The following RUNX1 variants were observed in gnomAD, a reference collection of about 807,000 sequenced individuals.
RUNX1 encodes the protein runt-related transcription factor 1.
In RUNX1, 19 loss-of-function variants were observed where a neutral mutation model predicts 42.8. That is an observed-to-expected ratio of 0.44 (90% CI 0.31 to 0.65). The LOEUF (loss-of-function observed/expected upper bound fraction) is 0.65, where lower values mean the gene tolerates loss of function less well. Among genes scored for constraint, RUNX1 ranks in the 30% least tolerant of loss-of-function variants. The pLI is 0.07. For synonymous variants in RUNX1, 271 were observed against 289.4 expected, an observed-to-expected ratio of 0.94 and a Z score of 0.64; for missense variants, 528 against 672.0, an observed-to-expected ratio of 0.79 and a Z score of 2.37.
At chr21:34,854,595 GA>G (rs372998324) in intron 6 of RUNX1, among the ~76,000 whole-genome samples, 1,919 of 135,344 alleles carry the variant, frequency 0.014, 34 homozygotes, top group African/African-American at 0.047. Context: ...AAAAAAAAAA[GA>G]AAAAAAAAAA....
rs928424641 is a variant in RUNX1 at position 35,049,290 on chromosome 21, G to A, written c.-182C>T. On this transcript the variant is annotated 5_prime_UTR_variant, in exon 1 of 9. Transcript: ENST00000675419. ...CTTGTGGTTCTGTGGTTGTTTATGAGGCCCAAAGAAGTTTTCACACAACCC... is the reference window on the plus strand; with the variant it reads ...CTTGTGGTTCTGTGGTTGTTTATGAAGCCCAAAGAAGTTTTCACACAACCC... The A allele has an allele frequency of 9.0e-6, 2 of 221,422 alleles. No homozygotes were observed. The highest frequency in any genetic ancestry group is 1.9e-5 in the Non-Finnish European group (2 of 108,082). 13.7% of individuals were successfully genotyped at this position (221,422 alleles called of 1,614,324 possible). A position where few individuals can be genotyped will look rare whatever the true frequency, so the allele number is the denominator to read the frequency against.
At chr21:34,866,025 G>A (rs564736615) in intron 5 of RUNX1, among the ~76,000 whole-genome samples, 2 of 152,248 alleles carry the variant, frequency 1.3e-5, no homozygotes, top group South Asian at 2.1e-4. Context: ...AGGTATCCCC[G>A]GTCTACCTGA....
intron 5 of RUNX1, among the ~76,000 whole-genome samples, chr21:34,869,260 T>C (rs1207600759): frequency 6.6e-6 from 1 of 152,104 alleles, no homozygotes; most frequent in African/African-American, 2.4e-5. Flanking sequence ...CTAAGTATAG[T>C]TACATACACA....
At chr21:35,048,716 C>T in intron 2 of RUNX1, 126 bp downstream of exon 2, 1 of 810,502 alleles carries the variant, frequency 1.2e-6, no homozygotes, top group Non-Finnish European at 2.2e-6. Flanking sequence ...GTTTGAATTC[C>T]TCTCACAAAC....
intron 3 of RUNX1, among the ~76,000 whole-genome samples, chr21:34,891,171 A>T: frequency 6.6e-6 from 1 of 152,192 alleles, no homozygotes; most frequent in Non-Finnish European, 1.5e-5. Context: ...AAGTTCCTTT[A>T]TCGAGTAAGG....
intron 7 of RUNX1, chr21:34,821,200 G>A: frequency 3.9e-6 from 4 of 1,022,878 alleles, no homozygotes; most frequent in Non-Finnish European, 4.7e-6. Flanking sequence ...GAGTAGCTGT[G>A]TGACTTGGAG....
chr21:34,886,874 C>T lies in RUNX1; in HGVS notation c.320G>A (p.Arg107His), dbSNP rs1569084106. 6.2e-7 allele frequency: 1 copy of T among 1,613,630 alleles called. No homozygotes were observed. Among genetic ancestry groups the T allele is most frequent in the Non-Finnish European group, 8.5e-7 (1 of 1,179,780 alleles). Reference protein sequence around the residue: ...FLCSVLPTHWRCNKTLPIAFK... With the variant: ...FLCSVLPTHWHCNKTLPIAFK... ...AGCGATGGGCAGGGTCTTGTTGCAGCGCCAGTGCGTAGGCAGCACGGAGCA... is the reference window on the plus strand; with the variant it reads ...AGCGATGGGCAGGGTCTTGTTGCAGTGCCAGTGCGTAGGCAGCACGGAGCA... The change falls in exon 4 of 9, where the codon CGC becomes CAC. Residue 107 changes from arginine (R) to histidine (H), a missense_variant. Physicochemically the swap from Arg to His is conservative, Grantham distance 29 (BLOSUM62 0). Transcript: ENST00000675419.
At chr21:34,895,874 A>C (rs969442016) in intron 2 of RUNX1, among the ~76,000 whole-genome samples, 1 of 152,170 alleles carries the variant, frequency 6.6e-6, no homozygotes, top group Non-Finnish European at 1.5e-5. Flanking sequence ...TATTAGAAAA[A>C]TAAGTCTGTC....
At position 34,901,006 on chromosome 21, in the gene RUNX1, A is replaced by G. The variant is rs867059299; in HGVS notation, c.59-8043T>C. Reference sequence around the variant, plus strand: ...CAATGTTTCAGTTTGCTGGCAATCTACCAGTTAAAACACAGTAATAGATCA... The same window carrying G: ...CAATGTTTCAGTTTGCTGGCAATCTGCCAGTTAAAACACAGTAATAGATCA... On this transcript the variant is annotated intron_variant, in intron 2 of 8. Transcript: ENST00000675419. This position sits in a 1 kb window ranked among gnomAD's most constrained non-coding sequence, Gnocchi z 4.3. Among the ~76,000 whole-genome samples, 1 of 152,236 alleles carries G rather than the reference A, an allele frequency of 6.6e-6. No individual in the cohort carries two copies. The highest frequency in any genetic ancestry group is 3.2e-3 in the Middle Eastern group (1 of 316).
intron 2 of RUNX1, among the ~76,000 whole-genome samples, chr21:35,046,059 C>A (rs1000726807): frequency 2.6e-5 from 4 of 152,232 alleles, no homozygotes; most frequent in African/African-American, 9.6e-5. Flanking sequence ...TGCCGACACA[C>A]TGCACTTTTC....
chr21:34,979,926 G>C (rs1282744386), intron 2 of RUNX1, among the ~76,000 whole-genome samples: 1 of 152,164 alleles, frequency 6.6e-6, no homozygotes, highest in African/African-American at 2.4e-5. Flanking sequence ...GTCTCAGTGG[G>C]CTCCAGAGCC....
intron 2 of RUNX1, among the ~76,000 whole-genome samples, chr21:35,008,245 A>G (rs138713183): frequency 7.9e-4 from 120 of 152,326 alleles, no homozygotes; most frequent in African/African-American, 2.8e-3. Context: ...TGGTGGTGCC[A>G]TGTACACATT....
rs1205188985 is a variant in RUNX1, at chr21:34,790,857, C to T, written c.*1278G>A. On this transcript the variant is annotated 3_prime_UTR_variant, in exon 9 of 9. Transcript: ENST00000675419. ...ATTTGGTTCCTATGTAAATGTGGCT[C>T]CCCTACACAGTTTACTTTGGCTGTG... 2.6e-5 allele frequency: 6 copies of T among 233,142 alleles called. No homozygotes were observed. The highest frequency in any genetic ancestry group is 5.6e-5 in the Admixed American group (1 of 17,784). 14.4% of individuals were successfully genotyped at this position (233,142 alleles called of 1,614,324 possible). A position where few individuals can be genotyped will look rare whatever the true frequency, so the allele number is the denominator to read the frequency against.
In RUNX1 at chr21:34,792,626, G is replaced by C. The variant is rs558410967; in HGVS notation, c.968-16C>G. 2.5e-6 allele frequency: 4 copies of C among 1,568,808 alleles called. No homozygotes were observed. In the East Asian group the frequency reaches 9.4e-5, roughly 37 times the overall value. The stretch of plus-strand genomic sequence containing the variant: ...TCGGGTGCCGCTGCAGGGCGGGCAA[G>C]AGAACGGAGCGGAAGTGAGTAGGAG... On this transcript the variant is annotated splice_polypyrimidine_tract_variant and intron_variant, in intron 8 of 8. Coordinates refer to ENST00000675419, the MANE Select transcript of RUNX1 (RefSeq NM_001754.5). The surrounding 1 kb of genome is among the most constrained non-coding windows in gnomAD (Gnocchi z 6.9).
At chr21:34,847,371 T>G (rs529119356) in intron 6 of RUNX1, among the ~76,000 whole-genome samples, 5 of 152,318 alleles carry the variant, frequency 3.3e-5, no homozygotes, top group African/African-American at 1.2e-4. Flanking sequence ...CTCTTTAATT[T>G]CTTCTCACCA....
chr21:34,997,678 T>C (rs1211971437), intron 2 of RUNX1, among the ~76,000 whole-genome samples: 1 of 152,206 alleles, frequency 6.6e-6, no homozygotes, highest in Non-Finnish European at 1.5e-5. Context: ...GCTGAAGAGC[T>C]CTTTCTGTGT....
intron 2 of RUNX1, among the ~76,000 whole-genome samples, chr21:34,999,348 T>G (rs554968362): frequency 4.6e-5 from 7 of 152,352 alleles, no homozygotes; most frequent in Non-Finnish European, 7.3e-5. Context: ...TAGTGTCTGT[T>G]TTGGAAGTGT....
chr21:35,002,664 G>C (rs1346400368), intron 2 of RUNX1, among the ~76,000 whole-genome samples: 1 of 151,950 alleles, frequency 6.6e-6, no homozygotes, highest in Admixed American at 6.6e-5. Context: ...CTAATCTCAG[G>C]TGATCCATCT....
intron 2 of RUNX1, among the ~76,000 whole-genome samples, chr21:35,009,818 G>T (rs549338121): frequency 6.6e-6 from 1 of 152,198 alleles, no homozygotes; most frequent in East Asian, 1.9e-4. Flanking sequence ...TTTCAGGAGG[G>T]TTTAAAATTT....
Sources: allele counts gnomAD v4.1 joint callset (sites outside exome capture counted in the v4.1 genomes callset), GRCh38; gene constraint gnomAD v4.1.1; non-coding constraint Gnocchi (gnomAD v3.1); transcripts MANE v1.5; gene names NCBI Gene and HGNC (gene_info 2026-07-23, HGNC 2026-07-21).